Variants in BCL11A observed in about 807,000 individuals in gnomAD.
BCL11A encodes the protein B cell CLL/lymphoma 11A.
BCL11A carries 2 observed loss-of-function variants against 55.9 expected under a neutral mutation model. The observed-to-expected ratio is 0.04, with a 90% CI of 0.01 to 0.11. The LOEUF is 0.11. Ranked by LOEUF, BCL11A falls within the 10% of genes least tolerant of loss-of-function variation. The pLI is 1.00. For missense variants in BCL11A, 817 were observed against 1,137.1 expected (o/e 0.72, Z 4.05); for synonymous variants, 465 against 473.4 (o/e 0.98, Z 0.23).
At chr2:60,518,692 T>A (rs1253640827) in intron 2 of BCL11A, among the ~76,000 whole-genome samples, 2 of 152,174 alleles carry the variant, frequency 1.3e-5, no homozygotes, top group African/African-American at 4.8e-5. Context: ...AAGAGCCTAC[T>A]CATCATCAGA....
intron 2 of BCL11A, among the ~76,000 whole-genome samples, chr2:60,529,017 CAGGCAGGCACAAGCCTCTCGTA>C (rs1216970132): frequency 3.3e-5 from 5 of 152,144 alleles, no homozygotes; most frequent in Admixed American, 3.3e-4. Context: ...GTCACACACC[CAGGCAGGCACAAGCCTCTCGTA>C]AGGCAACACA....
At chr2:60,517,118 A>T (rs1668766352) in intron 2 of BCL11A, among the ~76,000 whole-genome samples, 2 of 152,230 alleles carry the variant, frequency 1.3e-5, no homozygotes, top group South Asian at 2.1e-4. Flanking sequence ...GAAGGTAGAC[A>T]AAAGGAAGGA....
exon 5 of BCL11A, chr2:60,452,065 G>C: frequency 5.3e-6 from 1 of 188,938 alleles, no homozygotes; most frequent in Non-Finnish European, 1.1e-5. Context: ...CCACCCGATG[G>C]GTGTCTGTAG....
At chr2:60,468,137 ATGG>A (rs1177724594) in intron 3 of BCL11A, among the ~76,000 whole-genome samples, 8 of 137,606 alleles carry the variant, frequency 5.8e-5, no homozygotes, top group East Asian at 4.5e-4. Flanking sequence ...GGTGGTGGTG[ATGG>A]TGGTGGTGGT....
At chr2:60,466,281 A>C (rs1459940856) in intron 3 of BCL11A, among the ~76,000 whole-genome samples, 2 of 151,930 alleles carry the variant, frequency 1.3e-5, no homozygotes, top group Non-Finnish European at 2.9e-5. Flanking sequence ...TTGGCCTCTC[A>C]ACTCCACCCT....
chr2:60,465,344 C>A (rs934017139), intron 3 of BCL11A, among the ~76,000 whole-genome samples: 1 of 152,176 alleles, frequency 6.6e-6, no homozygotes, highest in South Asian at 2.1e-4. Context: ...TCTTCATTTA[C>A]TCTGATGAAA....
chr2:60,463,145 C>A (rs146668575), intron 3 of BCL11A, among the ~76,000 whole-genome samples: 2 of 152,168 alleles, frequency 1.3e-5, no homozygotes, highest in Non-Finnish European at 2.9e-5. Flanking sequence ...CCCATGGGGA[C>A]GTCCATTTTT....
chr2:60,454,904 T>C (rs1367347612), downstream of BCL11A, among the ~76,000 whole-genome samples: 1 of 152,254 alleles, frequency 6.6e-6, no homozygotes, highest in Non-Finnish European at 1.5e-5. Context: ...TAAACAGTTC[T>C]ATATCTACAG....
chr2:60,497,314 G>A (rs564794234), intron 2 of BCL11A, among the ~76,000 whole-genome samples: 2 of 152,264 alleles, frequency 1.3e-5, no homozygotes, highest in East Asian at 1.9e-4. Flanking sequence ...ACGAAGCATC[G>A]CCTTTAACTG....
intron 2 of BCL11A, among the ~76,000 whole-genome samples, chr2:60,477,155 A>G (rs1453027560): frequency 2.0e-5 from 3 of 152,204 alleles, no homozygotes; most frequent in Non-Finnish European, 2.9e-5. Flanking sequence ...AGTATTAGAT[A>G]CCTGAGGAAG....
At chr2:60,549,118 C>A (rs185891222) in intron 1 of BCL11A, among the ~76,000 whole-genome samples, 2 of 152,202 alleles carry the variant, frequency 1.3e-5, no homozygotes, top group East Asian at 1.9e-4. Flanking sequence ...TAATTAGCCG[C>A]GAATTCTCTC....
chr2:60,539,090 C>T (rs528730883), intron 2 of BCL11A, among the ~76,000 whole-genome samples: 13 of 152,254 alleles, frequency 8.5e-5, no homozygotes, highest in African/African-American at 3.1e-4. Flanking sequence ...TGTGGCATAT[C>T]GAGCATTTTT....
chr2:60,522,152 A>T (rs951293864), intron 2 of BCL11A: 1 of 152,358 alleles, frequency 6.6e-6, no homozygotes, highest in African/African-American at 2.4e-5. Context: ...AGTAGAGAGA[A>T]TGTTATAAAT....
intron 2 of BCL11A, among the ~76,000 whole-genome samples, chr2:60,487,083 A>T (rs1266441584): frequency 6.6e-6 from 1 of 152,248 alleles, no homozygotes; most frequent in Non-Finnish European, 1.5e-5. Context: ...CCTGCCTCCA[A>T]CCTGTGATTT....
intron 3 of BCL11A, among the ~76,000 whole-genome samples, chr2:60,467,857 G>A (rs1467814330): frequency 2.5e-5 from 3 of 118,800 alleles, no homozygotes; most frequent in African/African-American, 6.4e-5. Flanking sequence ...TGCTACTGGT[G>A]GTGATGGTAC....
chr2:60,498,212 C>T (rs1679063861), intron 2 of BCL11A, among the ~76,000 whole-genome samples: 1 of 151,872 alleles, frequency 6.6e-6, no homozygotes, highest in South Asian at 2.1e-4. Flanking sequence ...GGTGACCCAG[C>T]AGCCCTGGGC....
chr2:60,485,957 C>T (rs1314084775), intron 2 of BCL11A, among the ~76,000 whole-genome samples: 1 of 152,194 alleles, frequency 6.6e-6, no homozygotes, highest in Non-Finnish European at 1.5e-5. Flanking sequence ...TAGTTTCCTT[C>T]CCCAACTTTC....
At chr2:60,452,568 A>G (rs771438128), downstream of BCL11A, 9 of 1,613,264 alleles carry the variant, frequency 5.6e-6, no homozygotes, top group Non-Finnish European at 7.6e-6. Context: ...GGGGGCTTCA[A>G]ATTTTCTCAG....
rs1676015476 is a variant in BCL11A at position 60,457,799 on chromosome 2, TG to T, written c.*2604del. 3.8e-6 allele frequency: 4 copies of T among 1,046,096 alleles called. No individual in the cohort carries two copies. The highest frequency in any genetic ancestry group is 4.6e-6 in the Non-Finnish European group (4 of 866,970). 64.8% of individuals were successfully genotyped at this position (1,046,096 alleles called of 1,614,324 possible). On this transcript the variant is annotated 3_prime_UTR_variant, in exon 4 of 4. Coordinates refer to ENST00000642384, the MANE Select transcript of BCL11A (RefSeq NM_022893.4). ...ACATAACAAACCAACGTTATTAGCT[TG>T]CAGTACTGCATACAGTATGGCAGCA... is the stretch of plus-strand genomic sequence containing the variant.
Sources: gnomAD v4.1 joint callset for allele counts (sites outside exome capture counted in the v4.1 genomes callset) on GRCh38, gnomAD v4.1.1 for gene constraint, MANE v1.5 for transcripts, NCBI Gene and HGNC (gene_info 2026-07-23, HGNC 2026-07-21) for gene names.